The following PPP3CC variants were observed in gnomAD, a reference collection of about 807,000 sequenced individuals.
PPP3CC encodes serine/threonine-protein phosphatase 2B catalytic subunit gamma isoform.
PPP3CC carries 35 observed loss-of-function variants against 60.3 expected under a neutral mutation model. The ratio of observed to expected loss-of-function variants is 0.58; its 90% CI spans 0.44 to 0.77. PPP3CC has a LOEUF of 0.77. Ranked by LOEUF, PPP3CC falls within the 30% of genes least tolerant of loss-of-function variation. The pLI is 0.00. For missense variants in PPP3CC, 570 were observed against 628.9 expected (o/e 0.91, Z 1.00); for synonymous variants, 206 against 224.3 (o/e 0.92, Z 0.73).
intron 3 of PPP3CC, among the ~76,000 whole-genome samples, chr8:22,476,586 A>C (rs1049425256): frequency 6.6e-6 from 1 of 152,174 alleles, no homozygotes; most frequent in Non-Finnish European, 1.5e-5. Context: ...ATAAGCAAAA[A>C]AATGGATTTT....
intron 3 of PPP3CC, among the ~76,000 whole-genome samples, chr8:22,480,693 G>C (rs894178386): frequency 2.8e-4 from 43 of 152,132 alleles, no homozygotes; most frequent in South Asian, 8.3e-4. Context: ...TGGCCAGGCT[G>C]GTCTCCAACT....
chr8:22,513,678 C>T (rs571908244), intron 6 of PPP3CC, among the ~76,000 whole-genome samples: 73 of 152,216 alleles, frequency 4.8e-4, no homozygotes, highest in African/African-American at 1.7e-3. Flanking sequence ...TTTTGTCTGA[C>T]TCTAAGTGAT....
intron 3 of PPP3CC, among the ~76,000 whole-genome samples, chr8:22,492,058 A>G (rs1013561648): frequency 5.3e-5 from 8 of 152,108 alleles, no homozygotes; most frequent in African/African-American, 1.9e-4. Flanking sequence ...TGAAATCATC[A>G]TAGAGTGTAC....
At chr8:22,489,564 C>CATAT (rs957245092) in intron 3 of PPP3CC, among the ~76,000 whole-genome samples, 1 of 142,408 alleles carries the variant, frequency 7.0e-6, no homozygotes, top group South Asian at 2.1e-4. Context: ...AGAGGTACAG[C>CATAT]ATATATATAT....
chr8:22,441,827 T>A lies in PPP3CC; in HGVS notation c.49+369T>A, dbSNP rs566230128. Among the ~76,000 whole-genome samples, 6 of 152,244 alleles carry A rather than the reference T, an allele frequency of 3.9e-5. No individual in the cohort carries two copies. In the East Asian group the frequency reaches 9.7e-4, roughly 25 times the overall value. On this transcript the variant is annotated intron_variant, in intron 1 of 13. Coordinates refer to ENST00000240139, the MANE Select transcript of PPP3CC (RefSeq NM_005605.5). The stretch of plus-strand genomic sequence containing the variant: ...AGTCGACTCTTCCAAGTAAGATATT[T>A]AAGATTAGATCTTTCTTGACGTCCG...
At chr8:22,497,816 A>G (rs565871788) in intron 3 of PPP3CC, among the ~76,000 whole-genome samples, 185 bp from the exon 4 acceptor site, 153 of 152,314 alleles carry the variant, frequency 1.0e-3, no homozygotes, top group African/African-American at 3.4e-3. Context: ...GAGATTAGAG[A>G]GAGATTTCTA....
intron 4 of PPP3CC, among the ~76,000 whole-genome samples, chr8:22,506,227 A>G (rs1004573843): frequency 4.2e-4 from 63 of 151,638 alleles, no homozygotes; most frequent in Non-Finnish European, 2.7e-4. Context: ...CTTGAGCCCA[A>G]GAGTTTGAGA....
chr8:22,476,297 A>G (rs1274179538), intron 3 of PPP3CC, among the ~76,000 whole-genome samples: 1 of 152,244 alleles, frequency 6.6e-6, no homozygotes, highest in Non-Finnish European at 1.5e-5. Flanking sequence ...ATTCAACTCT[A>G]CATGCTGGCA....
At chr8:22,476,816 C>T (rs1837901634) in intron 3 of PPP3CC, among the ~76,000 whole-genome samples, 1 of 151,662 alleles carries the variant, frequency 6.6e-6, no homozygotes, top group African/African-American at 2.4e-5. Flanking sequence ...CCTGTAGTCC[C>T]AGCTACTTGG....
intron 3 of PPP3CC, among the ~76,000 whole-genome samples, chr8:22,489,359 T>C (rs1433555495): frequency 6.6e-6 from 1 of 151,796 alleles, no homozygotes; most frequent in African/African-American, 2.4e-5. Flanking sequence ...CTTTTTGTGC[T>C]TATCTGTGAT....
At chr8:22,490,481 C>G (rs1387528411) in intron 3 of PPP3CC, among the ~76,000 whole-genome samples, 1 of 152,064 alleles carries the variant, frequency 6.6e-6, no homozygotes, top group Non-Finnish European at 1.5e-5. Flanking sequence ...ACTTTAAGTT[C>G]TAGTGTACAT....
At chr8:22,512,444 G>A (rs1206085813) in intron 5 of PPP3CC, among the ~76,000 whole-genome samples, 1 of 152,054 alleles carries the variant, frequency 6.6e-6, no homozygotes, top group Non-Finnish European at 1.5e-5. Context: ...TAAAGCAGCA[G>A]TGACTAAAGG....
intron 3 of PPP3CC, among the ~76,000 whole-genome samples, chr8:22,481,264 G>A (rs1439384323): frequency 1.3e-5 from 2 of 151,928 alleles, no homozygotes; most frequent in Non-Finnish European, 1.5e-5. Flanking sequence ...GAACCTGGGA[G>A]GCAGAGGTTG....
At position 22,487,748 on chromosome 8, in the gene PPP3CC, A is replaced by G. The variant is rs186065567; in HGVS notation, c.373-10253A>G. On this transcript the variant is annotated intron_variant, in intron 3 of 13. Transcript: ENST00000240139. ...ATTAAAGGGAACATTTTCAGCAAAG[A>G]TATACTGTATTAAAAGCACAGAAGC... is the stretch of plus-strand genomic sequence containing the variant. Among the ~76,000 whole-genome samples the G allele has an allele frequency of 1.2e-3, 181 of 152,350 alleles. 1 individual carries two copies. Among genetic ancestry groups the G allele is most frequent in the African/African-American group, 4.1e-3 (171 of 41,584 alleles).
chr8:22,526,282 T>C (rs1271171804), intron 8 of PPP3CC, among the ~76,000 whole-genome samples: 1 of 152,198 alleles, frequency 6.6e-6, no homozygotes, highest in African/African-American at 2.4e-5. Context: ...CCAAAAGCAG[T>C]TTTATAAGCT....
chr8:22,492,672 G>T (rs577011483), intron 3 of PPP3CC: 6 of 742,046 alleles, frequency 8.1e-6, no homozygotes, highest in Admixed American at 4.0e-5. Context: ...GCACAAGTGC[G>T]CATTGGTGGG....
chr8:22,444,776 A>G (rs1340546401), intron 1 of PPP3CC, among the ~76,000 whole-genome samples: 2 of 152,244 alleles, frequency 1.3e-5, no homozygotes, highest in Non-Finnish European at 1.5e-5. Flanking sequence ...GTTTATATGC[A>G]CTGGGGCACC....
rs1264976355 is a variant in PPP3CC at position 22,475,495 on chromosome 8, C to G, written c.248-5C>G. On this transcript the variant is annotated splice_region_variant and splice_polypyrimidine_tract_variant and intron_variant, in intron 2 of 13. Coordinates refer to ENST00000240139, the MANE Select transcript of PPP3CC (RefSeq NM_005605.5). ...TCTCACATCACTTTATGCTTTTTTT[C>G]CTAGTATGTGGTGATATTCATGGAC... 6.2e-7 allele frequency: 1 copy of G among 1,600,336 alleles called. No homozygotes were observed. The highest frequency in any genetic ancestry group is 8.5e-7 in the Non-Finnish European group (1 of 1,174,588).
chr8:22,507,147 C>G (rs909429661), intron 4 of PPP3CC, among the ~76,000 whole-genome samples: 6 of 151,686 alleles, frequency 4.0e-5, no homozygotes, highest in African/African-American at 1.5e-4. Flanking sequence ...ATAAATAAAG[C>G]AAATAAAAAT....
Sources: gnomAD v4.1 joint callset for allele counts (sites outside exome capture counted in the v4.1 genomes callset) on GRCh38, gnomAD v4.1.1 for gene constraint, MANE v1.5 for transcripts, NCBI Gene and HGNC (gene_info 2026-07-23, HGNC 2026-07-21) for gene names.